LMBRD1: variants seen among roughly 807,000 people sequenced by gnomAD.
The protein encoded by LMBRD1 is LMBR1 domain containing 1, also known as lysosomal cobalamin transport escort protein LMBD1.
A neutral mutation model predicts 74.8 loss-of-function variants in LMBRD1; 64 were observed. The observed-to-expected ratio is 0.86, with a 90% confidence interval of 0.70 to 1.05. The LOEUF is 1.05. Among genes scored for constraint, LMBRD1 ranks in the 50% least tolerant of loss-of-function variants. LMBRD1 has a pLI of 0.00. For synonymous variants in LMBRD1, 204 were observed against 216.3 expected, an observed-to-expected ratio of 0.94 and a Z score of 0.50; for missense variants, 652 against 645.9, an observed-to-expected ratio of 1.01 and a Z score of -0.10.
rs1449506437 is a variant in LMBRD1, at chr6:69,674,413, A to G, written c.*1745T>C. Among the ~76,000 whole-genome samples, 1 of 152,192 alleles carries G rather than the reference A, an allele frequency of 6.6e-6. No homozygotes were observed. Among genetic ancestry groups the G allele is most frequent in the Non-Finnish European group, 1.5e-5 (1 of 68,016 alleles). ...AAGATAGGAAGTAGAAATTAACATG[A>G]CATGATTGTTTGATGAGTCAGTTAT... is the stretch of plus-strand genomic sequence containing the variant. On this transcript the variant is annotated 3_prime_UTR_variant, in exon 16 of 16. Transcript: ENST00000649934.
At chr6:69,685,529 G>A (rs941133876) in intron 14 of LMBRD1, among the ~76,000 whole-genome samples, 1 of 152,032 alleles carries the variant, frequency 6.6e-6, no homozygotes, top group South Asian at 2.1e-4. Flanking sequence ...GGTCAGGCGT[G>A]GTGGCTCATG....
intron 3 of LMBRD1, among the ~76,000 whole-genome samples, chr6:69,762,556 A>C (rs886377004): frequency 2.6e-5 from 4 of 152,120 alleles, no homozygotes; most frequent in African/African-American, 9.7e-5. Flanking sequence ...CTCTATATAC[A>C]TGGCAGCACC....
At chr6:69,720,133 C>G (rs747898780) in intron 7 of LMBRD1, among the ~76,000 whole-genome samples, 50 of 152,054 alleles carry the variant, frequency 3.3e-4, no homozygotes, top group Non-Finnish European at 6.5e-4. Context: ...ATTGCTTAAA[C>G]CACAATTCAA....
chr6:69,781,040 T>A (rs1562124599), intron 2 of LMBRD1, among the ~76,000 whole-genome samples: 1 of 152,310 alleles, frequency 6.6e-6, no homozygotes, highest in East Asian at 1.9e-4. Flanking sequence ...CTTTGGACTT[T>A]GTCCTAAGGG....
chr6:69,745,403 C>T (rs912224442), intron 5 of LMBRD1, among the ~76,000 whole-genome samples: 5 of 151,396 alleles, frequency 3.3e-5, no homozygotes, highest in East Asian at 2.0e-4. Context: ...GGACTACAGG[C>T]GCCCGCCACC....
chr6:69,780,297 C>T (rs1385659241), intron 3 of LMBRD1, among the ~76,000 whole-genome samples, 197 bp downstream of exon 3: 2 of 151,924 alleles, frequency 1.3e-5, no homozygotes, highest in African/African-American at 4.8e-5. Context: ...TGTCTCTGTA[C>T]AGGGGAGCTT....
At chr6:69,761,756 T>C (rs1765378781) in intron 3 of LMBRD1, among the ~76,000 whole-genome samples, 3 of 151,760 alleles carry the variant, frequency 2.0e-5, no homozygotes, top group Admixed American at 2.0e-4. Context: ...AACATTTCCA[T>C]TACTCCAAAA....
chr6:69,761,312 TTTTTTTAACAAAAAAAAAA>T, intron 3 of LMBRD1, among the ~76,000 whole-genome samples: 1 of 152,146 alleles, frequency 6.6e-6, no homozygotes, highest in Admixed American at 6.5e-5. Flanking sequence ...TGCAATGCCA[TTTTTTTAACAAAAAAAAAA>T]TTGTTAAATA....
chr6:69,695,896 T>G (rs944659749), intron 14 of LMBRD1, among the ~76,000 whole-genome samples: 3 of 150,256 alleles, frequency 2.0e-5, no homozygotes, highest in Non-Finnish European at 4.4e-5. Flanking sequence ...TGGGTCAGAG[T>G]GCAGTGGCAC....
intron 14 of LMBRD1, among the ~76,000 whole-genome samples, chr6:69,684,462 T>C (rs952140256): frequency 6.6e-6 from 1 of 151,964 alleles, no homozygotes; most frequent in Non-Finnish European, 1.5e-5. Context: ...CCAGTTAAAA[T>C]GAAAGTAGGA....
intron 5 of LMBRD1, among the ~76,000 whole-genome samples, chr6:69,748,608 T>C (rs1288681081): frequency 6.6e-6 from 1 of 152,118 alleles, no homozygotes; most frequent in Non-Finnish European, 1.5e-5. Flanking sequence ...AAGTTATTTA[T>C]TGAAAATTGT....
At chr6:69,691,554 A>G (rs1025349508) in intron 14 of LMBRD1, among the ~76,000 whole-genome samples, 1 of 152,100 alleles carries the variant, frequency 6.6e-6, no homozygotes, top group Admixed American at 6.6e-5. Flanking sequence ...CTGTGAAAAT[A>G]AGTCAATGTG....
At chr6:69,705,328 C>G (rs957491475) in intron 9 of LMBRD1, 6 of 760,866 alleles carry the variant, frequency 7.9e-6, no homozygotes, top group African/African-American at 1.7e-5. Flanking sequence ...TGAATAGCCT[C>G]CTGGTCAGTC....
At chr6:69,780,881 G>C (rs1025712935) in intron 2 of LMBRD1, among the ~76,000 whole-genome samples, 1 of 152,148 alleles carries the variant, frequency 6.6e-6, no homozygotes, top group South Asian at 2.1e-4. Flanking sequence ...GAAGGAAAGA[G>C]GGAGTAAAGA....
At chr6:69,718,905 C>T in intron 8 of LMBRD1, 51 bp downstream of exon 8, 1 of 1,601,348 alleles carries the variant, frequency 6.2e-7, no homozygotes, top group Non-Finnish European at 8.5e-7. Flanking sequence ...GAAAGCAGCT[C>T]TAAGACAAAG....
chr6:69,745,934 C>A, intron 5 of LMBRD1: 1 of 230,474 alleles, frequency 4.3e-6, no homozygotes, highest in Non-Finnish European at 8.7e-6. Flanking sequence ...ACCAGAGCTC[C>A]TTTTAACTCT....
chr6:69,713,804 A>G lies in LMBRD1; in HGVS notation c.763-7T>C. 6.2e-7 allele frequency: 1 copy of G among 1,613,258 alleles called. No individual in the cohort carries two copies. Among genetic ancestry groups the G allele is most frequent in the South Asian group, 1.1e-5 (1 of 91,074 alleles). ...AAGGTCGACCATCTTTGCTCTGCAA[A>G]TAACAGAACAAAATAAAAGTTTTAC... On this transcript the variant is annotated splice_region_variant and splice_polypyrimidine_tract_variant and intron_variant, in intron 8 of 15. Coordinates refer to ENST00000649934, the MANE Select transcript of LMBRD1 (RefSeq NM_018368.4).
intron 7 of LMBRD1, among the ~76,000 whole-genome samples, chr6:69,722,072 C>T (rs1481802873): frequency 3.3e-5 from 5 of 152,190 alleles, no homozygotes; most frequent in African/African-American, 1.2e-4. Context: ...AAGGTTTTTA[C>T]TCCAATTCCT....
intron 1 of LMBRD1, among the ~76,000 whole-genome samples, chr6:69,795,718 T>C (rs550118668): frequency 6.6e-6 from 1 of 152,330 alleles, no homozygotes; most frequent in South Asian, 2.1e-4. Flanking sequence ...AAGGCAGTGT[T>C]TTTATCTGTG....
Sources: gnomAD v4.1 joint callset for allele counts (sites outside exome capture counted in the v4.1 genomes callset) on GRCh38, gnomAD v4.1.1 for gene constraint, MANE v1.5 for transcripts, NCBI Gene and HGNC (gene_info 2026-07-23, HGNC 2026-07-21) for gene names.